Variants in ADGRE2 observed in about 807,000 individuals in gnomAD.
ADGRE2 encodes adhesion G protein-coupled receptor E2.
Under a neutral mutation model 100.8 loss-of-function variants are expected in ADGRE2, and 83 were observed. The observed-to-expected ratio is 0.82, with a 90% CI of 0.69 to 0.99. ADGRE2 has a LOEUF of 0.99. Among genes scored for constraint, ADGRE2 ranks in the 50% least tolerant of loss-of-function variants. The pLI is 0.00. For synonymous variants in ADGRE2, 355 were observed against 413.0 expected (o/e 0.86, Z 1.70); for missense variants, 814 against 1,035.7 (o/e 0.79, Z 2.94).
chr19:14,765,240 C>T, intron 10 of ADGRE2, 80 bp downstream of exon 10: 3 of 1,528,000 alleles, frequency 2.0e-6, no homozygotes, highest in Non-Finnish European at 2.7e-6. Flanking sequence ...CTGTCCCCTC[C>T]CAGACCCAAA....
At chr19:14,754,127 T>G (rs1016154531) in intron 14 of ADGRE2, among the ~76,000 whole-genome samples, 1 of 150,858 alleles carries the variant, frequency 6.6e-6, no homozygotes, top group Non-Finnish European at 1.5e-5. Flanking sequence ...CCTACATCTT[T>G]CTCCTGTGCT....
In ADGRE2 at chr19:14,746,941, C is replaced by T. The variant is rs777202442; in HGVS notation, c.2046G>A (p.Lys682=). The T allele has an allele frequency of 1.9e-6, 3 of 1,613,316 alleles. No individual in the cohort carries two copies. In the South Asian group the frequency reaches 3.3e-5, roughly 18 times the overall value. The stretch of plus-strand genomic sequence containing the variant: ...GTCCAAGGAAGCCCCATATAAATCC[C>T]TTTTCTGGTTGGAGCCAGCAGCTGA... ...TPSRCWLQPE[K]GFIWGFLGPV... Residue 682 remains lysine, a synonymous_variant, in exon 17 of 21, where the codon AAG becomes AAA. Coordinates refer to ENST00000315576, the MANE Select transcript of ADGRE2 (RefSeq NM_013447.4).
downstream of ADGRE2, among the ~76,000 whole-genome samples, chr19:14,729,055 C>T (rs763605880): frequency 1.1e-4 from 17 of 152,184 alleles, no homozygotes; most frequent in East Asian, 5.8e-4. Flanking sequence ...AGGGGTGGAA[C>T]GGGTGCAGAA....
At chr19:14,727,318 A>G in the ADGRE2 span, among the ~76,000 whole-genome samples, 41 of 152,022 alleles carry the variant, frequency 2.7e-4, no homozygotes, top group East Asian at 1.9e-3. Context: ...GTGAGCCACC[A>G]AGCCCGGCCC....
chr19:14,739,428 A>C (rs1026589640), intron 20 of ADGRE2, among the ~76,000 whole-genome samples: 1 of 152,188 alleles, frequency 6.6e-6, no homozygotes, highest in African/African-American at 2.4e-5. Context: ...TTTGTTGGCT[A>C]TCTGATGACC....
At chr19:14,729,566 T>G (rs4808390), downstream of ADGRE2, among the ~76,000 whole-genome samples, 4 of 152,070 alleles carry the variant, frequency 2.6e-5, no homozygotes, top group Admixed American at 1.3e-4. Flanking sequence ...TTGCCCAGGC[T>G]GGGCTTGAAC....
chr19:14,777,154 G>A (rs1371106847), intron 1 of ADGRE2: 3 of 954,126 alleles, frequency 3.1e-6, no homozygotes, highest in Non-Finnish European at 3.7e-6. Flanking sequence ...TGTGGCAGCC[G>A]GGCGGGGCGG....
At chr19:14,736,831 T>TG (rs1332247612) in intron 20 of ADGRE2, among the ~76,000 whole-genome samples, 54 of 144,670 alleles carry the variant, frequency 3.7e-4, no homozygotes, top group Non-Finnish European at 6.1e-4. Flanking sequence ...TATATAGATA[T>TG]TTAATATCTA....
intron 1 of ADGRE2, among the ~76,000 whole-genome samples, chr19:14,777,939 G>GTA (rs1373924341): frequency 6.6e-6 from 1 of 152,122 alleles, no homozygotes; most frequent in Non-Finnish European, 1.5e-5. Context: ...ATTGTGAATA[G>GTA]TACCGCAATA....
Position 14,736,018 on chromosome 19 carries a change from T to C in ADGRE2, c.*218A>G. On this transcript the variant is annotated 3_prime_UTR_variant, in exon 21 of 21. Transcript: ENST00000315576. ...TATGGGCCACAGCTGGCCGTCCATA[T>C]GCTGAGAGTTTGATGAGCACATTGC... 1 of 508,198 alleles carries C rather than the reference T, an allele frequency of 2.0e-6. No individual in the cohort carries two copies. The highest frequency in any genetic ancestry group is 3.7e-6 in the Non-Finnish European group (1 of 273,214). 31.5% of individuals were successfully genotyped at this position (508,198 alleles called of 1,614,324 possible). A position where few individuals can be genotyped will look rare whatever the true frequency, so the allele number is the denominator to read the frequency against.
At chr19:14,753,605 C>A (rs932305920) in intron 14 of ADGRE2, among the ~76,000 whole-genome samples, 2 of 151,868 alleles carry the variant, frequency 1.3e-5, no homozygotes, top group African/African-American at 2.4e-5. Flanking sequence ...ACCAGCCTGG[C>A]CAACTTGGTG....
chr19:14,746,766 T>A (rs982055623), intron 17 of ADGRE2, 130 bp downstream of exon 17: 2 of 716,414 alleles, frequency 2.8e-6, no homozygotes, highest in African/African-American at 3.6e-5. Flanking sequence ...GATTCAAGAG[T>A]GGTCTTAGGA....
At chr19:14,729,066 T>C (rs764511566), downstream of ADGRE2, among the ~76,000 whole-genome samples, 16 of 152,138 alleles carry the variant, frequency 1.1e-4, no homozygotes, top group African/African-American at 3.1e-4. Context: ...GGGTGCAGAA[T>C]GCGTGACCGA....
downstream of ADGRE2, among the ~76,000 whole-genome samples, chr19:14,728,085 C>T (rs1248519649): frequency 2.6e-5 from 4 of 152,156 alleles, no homozygotes; most frequent in South Asian, 6.2e-4. Flanking sequence ...TGGTGGTGGG[C>T]GCCTGTAGTC....
chr19:14,763,438 TTAAA>T (rs1273575196), intron 11 of ADGRE2, among the ~76,000 whole-genome samples: 1 of 152,060 alleles, frequency 6.6e-6, no homozygotes, highest in Non-Finnish European at 1.5e-5. Flanking sequence ...GTATTCCAAA[TTAAA>T]TAAATTGTTC....
chr19:14,754,879 T>A, intron 14 of ADGRE2, 75 bp downstream of exon 14: 1 of 1,534,554 alleles, frequency 6.5e-7, no homozygotes, highest in Non-Finnish European at 8.9e-7. Context: ...TATATTTTTT[T>A]AAAAGGCTGC....
rs774513835 is a variant in ADGRE2, at chr19:14,746,922, G to A, written c.2065C>T (p.Leu689Phe). 1.2e-6 allele frequency: 2 copies of A among 1,613,734 alleles called. No homozygotes were observed. Among genetic ancestry groups the A allele is most frequent in the South Asian group, 1.1e-5 (1 of 91,020 alleles). The stretch of plus-strand genomic sequence containing the variant: ...GAGAAGATGGCGCAGACAGGTCCAA[G>A]GAAGCCCCATATAAATCCCTTTTCT... ...QPEKGFIWGF[L>F]GPVCAIFSVN... Residue 689 changes from leucine to phenylalanine, a missense_variant, in exon 17 of 21, where the codon CTT (leucine) becomes TTT (phenylalanine). Coordinates refer to ENST00000315576, the MANE Select transcript of ADGRE2 (RefSeq NM_013447.4).
Position 14,776,778 on chromosome 19 carries a change from A to C in ADGRE2, c.-22T>G, listed in dbSNP as rs747019943. ...CCATGGTTCCAGCTGAGCTGCCGGCAGGAGCAGCAGGGGAAAGAGTGAGTG... is the reference window on the plus strand; with the variant it reads ...CCATGGTTCCAGCTGAGCTGCCGGCCGGAGCAGCAGGGGAAAGAGTGAGTG... On this transcript the variant is annotated 5_prime_UTR_variant, in exon 2 of 21. Coordinates refer to ENST00000315576, the MANE Select transcript of ADGRE2 (RefSeq NM_013447.4). 1 of 1,612,808 alleles carries C rather than the reference A, an allele frequency of 6.2e-7. No individual in the cohort carries two copies. The highest frequency in any genetic ancestry group is 8.5e-7 in the Non-Finnish European group (1 of 1,179,562).
At chr19:14,760,732 G>A (rs966631167) in intron 11 of ADGRE2, among the ~76,000 whole-genome samples, 5 of 152,194 alleles carry the variant, frequency 3.3e-5, no homozygotes, top group Admixed American at 3.3e-4. Flanking sequence ...GGCTATGGTG[G>A]GAAGTGGGGG....
Sources: allele counts gnomAD v4.1 joint callset (sites outside exome capture counted in the v4.1 genomes callset), GRCh38; gene constraint gnomAD v4.1.1; transcripts MANE v1.5; gene names NCBI Gene and HGNC (gene_info 2026-07-23, HGNC 2026-07-21).